Variants in KLHL2 observed in about 807,000 individuals in gnomAD.
The protein encoded by KLHL2 is kelch-like protein 2.
In KLHL2, 15 loss-of-function variants were observed where a neutral mutation model predicts 75.8. The ratio of observed to expected loss-of-function variants is 0.20; its 90% CI spans 0.13 to 0.30. The LOEUF (loss-of-function observed/expected upper bound fraction) is 0.30. Ranked by LOEUF, KLHL2 falls within the 10% of genes least tolerant of loss-of-function variation. The pLI is 1.00. For missense variants in KLHL2, 381 were observed against 741.0 expected, an observed-to-expected ratio of 0.51 and a Z score of 5.64; for synonymous variants, 214 against 251.9, an observed-to-expected ratio of 0.85 and a Z score of 1.42.
intron 5 of KLHL2, chr4:165,277,748 AAC>A (rs56079802): frequency 0.095 from 49,008 of 515,962 alleles, 62 homozygotes; most frequent in East Asian, 0.17. Context: ...GGATGTTAAA[AAC>A]ACACACACAC....
intron 1 of KLHL2, among the ~76,000 whole-genome samples, chr4:165,214,293 T>C (rs1737389198): frequency 6.6e-6 from 1 of 152,234 alleles, no homozygotes; most frequent in African/African-American, 2.4e-5. Flanking sequence ...AAATGGATCA[T>C]CAACCTCCTT....
chr4:165,264,731 T>TATAC (rs1553958058), intron 5 of KLHL2, among the ~76,000 whole-genome samples: 18 of 83,060 alleles, frequency 2.2e-4, no homozygotes, highest in East Asian at 4.3e-4. Context: ...CATATATATA[T>TATAC]ATATATATGT....
chr4:165,211,404 A>G (rs991620113), intron 1 of KLHL2, among the ~76,000 whole-genome samples: 10 of 152,242 alleles, frequency 6.6e-5, no homozygotes, highest in Admixed American at 5.2e-4. Flanking sequence ...TCATTTTGAC[A>G]TAGATCAGTA....
At chr4:165,295,130 G>A (rs527910690) in intron 6 of KLHL2, among the ~76,000 whole-genome samples, 1 of 152,190 alleles carries the variant, frequency 6.6e-6, no homozygotes, top group East Asian at 1.9e-4. Context: ...TGCACTTTTC[G>A]TATAGTTGGA....
chr4:165,272,072 A>G (rs1247780140), intron 5 of KLHL2, among the ~76,000 whole-genome samples: 1 of 152,254 alleles, frequency 6.6e-6, no homozygotes, highest in African/African-American at 2.4e-5. Flanking sequence ...TTGAAAAAAC[A>G]AAAACCACAG....
At chr4:165,271,456 A>G (rs1434851661) in intron 5 of KLHL2, among the ~76,000 whole-genome samples, 13 of 152,096 alleles carry the variant, frequency 8.5e-5, no homozygotes, top group Non-Finnish European at 1.9e-4. Flanking sequence ...CAGCTTGGTC[A>G]TTGTTCGTGT....
At chr4:165,304,563 T>A (rs1745587243) in intron 8 of KLHL2, among the ~76,000 whole-genome samples, 1 of 152,262 alleles carries the variant, frequency 6.6e-6, no homozygotes, top group Non-Finnish European at 1.5e-5. Context: ...TTTACATTAT[T>A]CTGATTTGAT....
chr4:165,307,322 CA>C (rs1745812856), intron 9 of KLHL2, among the ~76,000 whole-genome samples: 2 of 151,960 alleles, frequency 1.3e-5, no homozygotes, highest in South Asian at 4.2e-4. Flanking sequence ...AACAAACAAA[CA>C]AACAAAAAAA....
In KLHL2 at chr4:165,322,225, T is replaced by C; in HGVS notation, c.*165T>C. ...AGGCCTCAGATACTGAAGATTATTT[T>C]TGGTAGAAGCACCGTGTAGGCTTTT... is the stretch of plus-strand genomic sequence containing the variant. On this transcript the variant is annotated 3_prime_UTR_variant, in exon 15 of 15. Coordinates refer to ENST00000226725, the MANE Select transcript of KLHL2 (RefSeq NM_007246.4). 3.1e-6 allele frequency: 2 copies of C among 650,966 alleles called. No individual in the cohort carries two copies. The highest frequency in any genetic ancestry group is 2.7e-6 in the Non-Finnish European group (1 of 375,538). 40.3% of individuals were successfully genotyped at this position (650,966 alleles called of 1,614,324 possible). A position where few individuals can be genotyped will look rare whatever the true frequency, so the allele number is the denominator to read the frequency against.
chr4:165,233,823 A>T (rs1454483152), intron 3 of KLHL2, among the ~76,000 whole-genome samples: 2 of 152,262 alleles, frequency 1.3e-5, no homozygotes, highest in African/African-American at 4.8e-5. Flanking sequence ...AAAGAACTTA[A>T]GTTGGAATGC....
At chr4:165,256,780 C>T (rs556717782) in intron 4 of KLHL2, among the ~76,000 whole-genome samples, 1 of 152,264 alleles carries the variant, frequency 6.6e-6, no homozygotes, top group East Asian at 1.9e-4. Context: ...ATGTTCATAT[C>T]ACACCTAACC....
At chr4:165,261,481 C>T (rs969528536) in intron 4 of KLHL2, among the ~76,000 whole-genome samples, 2 of 152,172 alleles carry the variant, frequency 1.3e-5, no homozygotes, top group African/African-American at 4.8e-5. Flanking sequence ...GCTGAGACTA[C>T]AGGTGTGTGC....
At chr4:165,230,080 G>A (rs971844987) in intron 3 of KLHL2, among the ~76,000 whole-genome samples, 49 of 152,262 alleles carry the variant, frequency 3.2e-4, no homozygotes, top group Admixed American at 7.8e-4. Context: ...GTCAATACCC[G>A]TGAAGTGAGA....
chr4:165,264,746 A>ATG (rs1487464640), intron 5 of KLHL2, among the ~76,000 whole-genome samples: 1 of 79,080 alleles, frequency 1.3e-5, no homozygotes, highest in South Asian at 3.6e-4. Flanking sequence ...ATATGTATAT[A>ATG]TATATATATA....
Position 165,231,800 on chromosome 4 carries a change from A to G in KLHL2, c.259+2887A>G, listed in dbSNP as rs576889849. On this transcript the variant is annotated intron_variant, in intron 3 of 14. Coordinates refer to ENST00000226725, the MANE Select transcript of KLHL2 (RefSeq NM_007246.4). Reference sequence around the variant, plus strand: ...TCTAGGAGTGTAATTGCCGGGTCACATGGTAAATTTATACTTAAAAAATTC... The same window carrying G: ...TCTAGGAGTGTAATTGCCGGGTCACGTGGTAAATTTATACTTAAAAAATTC... 8.5e-5 allele frequency among the ~76,000 whole-genome samples: 13 copies of G among 152,330 alleles called. No homozygotes were observed. The East Asian group carries it at 1.3e-3, about 16-fold the overall frequency.
chr4:165,310,073 C>T (rs1458730492), intron 9 of KLHL2, among the ~76,000 whole-genome samples: 3 of 152,186 alleles, frequency 2.0e-5, no homozygotes, highest in East Asian at 3.9e-4. Flanking sequence ...TGCAGTGGCT[C>T]ACGCTTGTAA....
At chr4:165,266,852 T>G in intron 5 of KLHL2, among the ~76,000 whole-genome samples, 1 of 152,148 alleles carries the variant, frequency 6.6e-6, no homozygotes, top group Non-Finnish European at 1.5e-5. Flanking sequence ...TCCAATTCTG[T>G]GAAGAAAGTC....
chr4:165,236,517 C>A (rs1411522795), intron 3 of KLHL2, among the ~76,000 whole-genome samples: 1 of 152,170 alleles, frequency 6.6e-6, no homozygotes, highest in Non-Finnish European at 1.5e-5. Context: ...GCACCTGACT[C>A]TCATTCATAG....
intron 4 of KLHL2, chr4:165,240,481 A>C (rs1481276497): frequency 6.6e-6 from 1 of 151,118 alleles, no homozygotes; most frequent in Non-Finnish European, 1.5e-5. Context: ...CATTTGAAAA[A>C]CCTTGGTCAA....
Sources: gnomAD v4.1 joint callset for allele counts (sites outside exome capture counted in the v4.1 genomes callset) on GRCh38, gnomAD v4.1.1 for gene constraint, MANE v1.5 for transcripts, NCBI Gene and HGNC (gene_info 2026-07-23, HGNC 2026-07-21) for gene names.